The following MALT1 variants were observed in gnomAD, a reference collection of about 807,000 sequenced individuals.
The protein encoded by MALT1 is MALT1 paracaspase.
MALT1 carries 36 observed loss-of-function variants against 85.5 expected under a neutral mutation model. That is an observed-to-expected ratio of 0.42 (90% CI 0.32 to 0.56). The LOEUF (loss-of-function observed/expected upper bound fraction) is 0.56, where lower values mean the gene tolerates loss of function less well. Ranked by LOEUF, MALT1 falls within the 20% of genes least tolerant of loss-of-function variation. The pLI, the probability that MALT1 is intolerant of heterozygous loss-of-function variation, is 0.10. For missense variants in MALT1, 716 were observed against 981.6 expected (o/e 0.73, Z 3.62); for synonymous variants, 359 against 361.3 (o/e 0.99, Z 0.07).
intron 2 of MALT1, among the ~76,000 whole-genome samples, chr18:58,693,663 T>A (rs1308071075): frequency 6.6e-6 from 1 of 152,142 alleles, no homozygotes; most frequent in Non-Finnish European, 1.5e-5. Flanking sequence ...AGAATGATGC[T>A]AAGAAACTGC....
intron 3 of MALT1, among the ~76,000 whole-genome samples, chr18:58,698,346 T>C (rs1195143711): frequency 6.6e-6 from 1 of 152,140 alleles, no homozygotes; most frequent in Non-Finnish European, 1.5e-5. Context: ...ATTACAGGCG[T>C]GAGCTGTCGC....
chr18:58,698,048 G>T (rs1299041548), intron 3 of MALT1, among the ~76,000 whole-genome samples: 2 of 143,210 alleles, frequency 1.4e-5, no homozygotes. Flanking sequence ...TTTTGTTGTT[G>T]TTGTTGTTGT....
chr18:58,711,867 GA>G (rs2054835810), intron 7 of MALT1, among the ~76,000 whole-genome samples: 3 of 152,128 alleles, frequency 2.0e-5, no homozygotes, highest in African/African-American at 7.2e-5. Context: ...TCTCTTGTAA[GA>G]GAGTTCTAAT....
chr18:58,681,476 G>T, intron 2 of MALT1, 140 bp downstream of exon 2: 1 of 709,498 alleles, frequency 1.4e-6, no homozygotes, highest in Middle Eastern at 2.8e-4. Flanking sequence ...TTCCCAGGTT[G>T]AAGCAAATGC....
At chr18:58,681,845 G>C (rs957186333) in intron 2 of MALT1, among the ~76,000 whole-genome samples, 1 of 152,116 alleles carries the variant, frequency 6.6e-6, no homozygotes, top group African/African-American at 2.4e-5. Context: ...AGTTTTTCCT[G>C]AATTACCGAT....
rs2055407232 is a variant in MALT1, at chr18:58,748,715, A to G, written c.*873A>G. 5.1e-6 allele frequency: 1 copy of G among 194,756 alleles called. No homozygotes were observed. The highest frequency in any genetic ancestry group is 6.1e-5 in the Admixed American group (1 of 16,420). 12.1% of individuals were successfully genotyped at this position (194,756 alleles called of 1,614,324 possible). A position where few individuals can be genotyped will look rare whatever the true frequency, so the allele number is the denominator to read the frequency against. ...ACTGGCCTAATGAGATAATACTCTTATCTTTGGCTCTACCTAAAAGTTGGT... is the reference window on the plus strand; with the variant it reads ...ACTGGCCTAATGAGATAATACTCTTGTCTTTGGCTCTACCTAAAAGTTGGT... On this transcript the variant is annotated 3_prime_UTR_variant, in exon 17 of 17. Transcript: ENST00000649217.
intron 2 of MALT1, among the ~76,000 whole-genome samples, chr18:58,687,195 AT>A (rs1394397251): frequency 6.6e-6 from 1 of 152,166 alleles, no homozygotes; most frequent in African/African-American, 2.4e-5. Context: ...TAAAAGAAAA[AT>A]ATCAAGAAGT....
intron 13 of MALT1, chr18:58,741,512 T>C (rs1303941369): frequency 6.5e-6 from 1 of 154,854 alleles, no homozygotes; most frequent in Admixed American, 6.5e-5. Context: ...TAGGATAAAC[T>C]ATAACTTAAA....
chr18:58,742,979 T>A (rs1055197931), intron 14 of MALT1, among the ~76,000 whole-genome samples: 1 of 152,186 alleles, frequency 6.6e-6, no homozygotes, highest in Middle Eastern at 3.2e-3. Context: ...AATTTTGGAT[T>A]TTCTGAGTCC....
intron 4 of MALT1, 62 bp downstream of exon 4, chr18:58,700,653 A>ATAAATATTTTAAAT: frequency 2.8e-6 from 4 of 1,407,682 alleles, no homozygotes; most frequent in Non-Finnish European, 3.7e-6. Flanking sequence ...TTTATTTTAA[A>ATAAATATTTTAAAT]TGTTTACTTT....
At chr18:58,715,604 T>G (rs2054888173) in intron 8 of MALT1, among the ~76,000 whole-genome samples, 2 of 152,218 alleles carry the variant, frequency 1.3e-5, no homozygotes, top group African/African-American at 4.8e-5. Context: ...CAAGTGACTT[T>G]AATCTCTCTC....
rs1260114034 is a variant in MALT1 at position 58,692,445 on chromosome 18, CCTCCCT to C, written c.377-3919_377-3914del. Among the ~76,000 whole-genome samples, 3 of 28,420 alleles carry C rather than the reference CCTCCCT, an allele frequency of 1.1e-4. No individual in the cohort carries two copies. In the East Asian group the frequency reaches 2.0e-3, roughly 19 times the overall value. The allele number at this position is 28,420 out of a possible 152,430, so 18.6% of individuals were successfully genotyped here. A position where few individuals can be genotyped will look rare whatever the true frequency, so the allele number is the denominator to read the frequency against. On this transcript the variant is annotated intron_variant, in intron 2 of 16. Transcript: ENST00000649217. ...CTCTCTCTCTCTCTCTCACTCTCTC[CCTCCCT>C]CCCTCCCTCCCTCCCTGTCCCTCTT...
intron 9 of MALT1, among the ~76,000 whole-genome samples, chr18:58,718,817 GAGTT>G: frequency 6.6e-6 from 1 of 152,318 alleles, no homozygotes; most frequent in East Asian, 1.9e-4. Flanking sequence ...TAGTCGAGGA[GAGTT>G]AGAGAGGGCT....
chr18:58,739,894 G>A (rs2055278962), intron 13 of MALT1, among the ~76,000 whole-genome samples: 1 of 152,170 alleles, frequency 6.6e-6, no homozygotes, highest in Non-Finnish European at 1.5e-5. Context: ...TAATACAGAA[G>A]AAGTACACCC....
intron 10 of MALT1, among the ~76,000 whole-genome samples, chr18:58,727,755 A>G (rs745825226): frequency 6.6e-6 from 1 of 151,864 alleles, no homozygotes; most frequent in Non-Finnish European, 1.5e-5. Flanking sequence ...CCAGCAGTAG[A>G]TTATAGAGAC....
At chr18:58,707,903 A>G (rs1350345170) in intron 4 of MALT1, among the ~76,000 whole-genome samples, 3 of 152,242 alleles carry the variant, frequency 2.0e-5, no homozygotes, top group Non-Finnish European at 2.9e-5. Context: ...CATATCGAGA[A>G]GACTAGAAAT....
chr18:58,725,227 C>T (rs1185848514), intron 10 of MALT1, among the ~76,000 whole-genome samples: 2 of 151,980 alleles, frequency 1.3e-5, no homozygotes, highest in African/African-American at 4.8e-5. Context: ...GAGGCTGAGA[C>T]ACAAGAATCG....
intron 3 of MALT1, among the ~76,000 whole-genome samples, chr18:58,699,950 T>C (rs1229159565): frequency 1.3e-5 from 2 of 152,216 alleles, no homozygotes; most frequent in African/African-American, 4.8e-5. Context: ...GTTTATCCTC[T>C]TACAGAATTT....
At chr18:58,734,042 A>G (rs770395267) in intron 11 of MALT1, 28 of 1,273,142 alleles carry the variant, frequency 2.2e-5, no homozygotes, top group Non-Finnish European at 2.7e-5. Context: ...CTGTTCCTCT[A>G]GATTTACTAT....
Sources: allele counts gnomAD v4.1 joint callset (sites outside exome capture counted in the v4.1 genomes callset), GRCh38; gene constraint gnomAD v4.1.1; transcripts MANE v1.5; gene names NCBI Gene and HGNC (gene_info 2026-07-23, HGNC 2026-07-21).